The following PRDM16 variants were observed in gnomAD, a reference collection of about 807,000 sequenced individuals.
PRDM16 encodes the protein histone-lysine N-methyltransferase PRDM16.
A neutral mutation model predicts 110.6 loss-of-function variants in PRDM16; 23 were observed. The observed-to-expected ratio is 0.21, with a 90% confidence interval of 0.15 to 0.29. PRDM16 has a LOEUF of 0.29. PRDM16 is among the 10% of genes least tolerant of loss of function. PRDM16 has a pLI of 1.00. For synonymous variants in PRDM16, 799 were observed against 781.8 expected (o/e 1.02, Z -0.37); for missense variants, 1,615 against 1,794.3 (o/e 0.90, Z 1.81).
intron 2 of PRDM16, among the ~76,000 whole-genome samples, chr1:3,191,285 G>A (rs944620210): frequency 2.0e-5 from 3 of 152,190 alleles, no homozygotes; most frequent in African/African-American, 4.8e-5. Context: ...GTGTTCATTT[G>A]TTCAATCAAC....
chr1:3,186,745 C>T (rs920661860), intron 2 of PRDM16, among the ~76,000 whole-genome samples: 2 of 152,198 alleles, frequency 1.3e-5, no homozygotes, highest in Non-Finnish European at 2.9e-5. Context: ...CTTAAAACAT[C>T]CCGTGCTTCC....
intron 1 of PRDM16, among the ~76,000 whole-genome samples, chr1:3,183,753 G>A (rs1394569232): frequency 1.3e-5 from 2 of 152,226 alleles, no homozygotes; most frequent in African/African-American, 2.4e-5. Context: ...ACAGAAAAAA[G>A]CCATGTTTTA....
chr1:3,321,983 G>A (rs767135956), intron 3 of PRDM16, among the ~76,000 whole-genome samples: 8 of 151,110 alleles, frequency 5.3e-5, no homozygotes, highest in Non-Finnish European at 1.0e-4. Flanking sequence ...TTTGTGTGGG[G>A]GTGCATGTGT....
At chr1:3,269,453 GGGA>G (rs1490143734) in intron 3 of PRDM16, among the ~76,000 whole-genome samples, 1 of 149,238 alleles carries the variant, frequency 6.7e-6, no homozygotes. Flanking sequence ...GAGAATGACA[GGGA>G]GGAGGACAGT....
chr1:3,385,763 G>A (rs1415726282), intron 4 of PRDM16, among the ~76,000 whole-genome samples: 4 of 152,230 alleles, frequency 2.6e-5, no homozygotes, highest in Non-Finnish European at 5.9e-5. Context: ...GAGCCTCCGG[G>A]GCCTCTGACC....
At chr1:3,426,329 A>C in intron 14 of PRDM16, 104 bp downstream of exon 14, 14 of 893,720 alleles carry the variant, frequency 1.6e-5, no homozygotes, top group Non-Finnish European at 1.9e-5. Flanking sequence ...AGCCCCTAAC[A>C]CATCCAGATA....
chr1:3,253,207 A>T (rs1455002029), intron 3 of PRDM16, among the ~76,000 whole-genome samples: 4 of 151,588 alleles, frequency 2.6e-5, no homozygotes, highest in African/African-American at 4.8e-5. Context: ...AATTTAATTT[A>T]ATTATTATTA....
At chr1:3,316,432 T>C (rs187554407) in intron 3 of PRDM16, among the ~76,000 whole-genome samples, 4 of 152,292 alleles carry the variant, frequency 2.6e-5, no homozygotes, top group African/African-American at 9.6e-5. Flanking sequence ...TGGGCACTTA[T>C]GAAGTGCCAA....
At chr1:3,391,700 G>A (rs537049067) in intron 4 of PRDM16, among the ~76,000 whole-genome samples, 5 of 152,330 alleles carry the variant, frequency 3.3e-5, no homozygotes, top group Admixed American at 6.5e-5. Flanking sequence ...GGCGAAGCCC[G>A]GGACTCCAGC....
At chr1:3,082,251 G>A (rs1189564886) in intron 1 of PRDM16, among the ~76,000 whole-genome samples, 1 of 152,188 alleles carries the variant, frequency 6.6e-6, no homozygotes, top group Non-Finnish European at 1.5e-5. Context: ...GCCCTGTGTG[G>A]TCTTCCTTGA....
At position 3,201,569 on chromosome 1, in the gene PRDM16, C is replaced by A. The variant is rs1638628385; in HGVS notation, c.387+15095C>A. Among the ~76,000 whole-genome samples the A allele has an allele frequency of 6.6e-6, 1 of 152,236 alleles. No individual in the cohort carries two copies. The highest frequency in any genetic ancestry group is 2.4e-5 in the African/African-American group (1 of 41,464). On this transcript the variant is annotated intron_variant, in intron 2 of 16. Coordinates refer to ENST00000270722, the MANE Select transcript of PRDM16 (RefSeq NM_022114.4). The surrounding 1 kb of genome is among the most constrained non-coding windows in gnomAD (Gnocchi z 4.1). ...GGGAGGACAGGAGGGCCACCCGGGGCAGCTGCCCTCTGAGGGACTTTTTGC... is the reference window on the plus strand; with the variant it reads ...GGGAGGACAGGAGGGCCACCCGGGGAAGCTGCCCTCTGAGGGACTTTTTGC...
At chr1:3,304,527 C>A (rs960650669) in intron 3 of PRDM16, among the ~76,000 whole-genome samples, 2 of 152,194 alleles carry the variant, frequency 1.3e-5, no homozygotes, top group Non-Finnish European at 2.9e-5. Flanking sequence ...CCTGTCCACA[C>A]GAGGAGCACA....
At chr1:3,313,352 G>C (rs956060994) in intron 3 of PRDM16, among the ~76,000 whole-genome samples, 1 of 152,212 alleles carries the variant, frequency 6.6e-6, no homozygotes, top group African/African-American at 2.4e-5. Context: ...TCCCAGACCG[G>C]AGGGCGGCAC....
intron 3 of PRDM16, chr1:3,307,452 A>G (rs2100405582): frequency 6.6e-6 from 1 of 152,272 alleles, no homozygotes; most frequent in Middle Eastern, 3.4e-3. Context: ...GTCCTCTTAG[A>G]TGTTTCAGTT....
chr1:3,385,189 A>G lies in PRDM16; in HGVS notation c.476A>G (p.Asp159Gly), dbSNP rs1202036077. 6.2e-7 allele frequency: 1 copy of G among 1,613,610 alleles called. No individual in the cohort carries two copies. Among genetic ancestry groups the G allele is most frequent in the African/African-American group, 1.3e-5 (1 of 74,942 alleles). ...CTGGGCAGTGAGAAGTTCTGCGTGG[A>G]TGCAAATCAGGCGGGGGCTGGCAGC... ...EDLGSEKFCV[D>G]ANQAGAGSWL... The change falls in exon 4 of 17, where the codon GAT becomes GGT. Residue 159 changes from aspartate (D) to glycine (G), a missense_variant. Asp to Gly is a moderately conservative substitution (Grantham distance 94). This residue lies in a region of PRDM16 where 416 missense variants were observed against 467.1 expected (regional missense o/e 0.89). Coordinates refer to ENST00000270722, the MANE Select transcript of PRDM16 (RefSeq NM_022114.4).
In PRDM16 at chr1:3,201,317, T is replaced by C. The variant is rs1027250204; in HGVS notation, c.387+14843T>C. ...GGATTTAAAATTACTTCAATTGCAC[T>C]GACTTGAAGCTCGCACAGAGATGAA... On this transcript the variant is annotated intron_variant, in intron 2 of 16. Transcript: ENST00000270722. This position sits in a 1 kb window ranked among gnomAD's most constrained non-coding sequence, Gnocchi z 4.1. Among the ~76,000 whole-genome samples the C allele has an allele frequency of 1.3e-5, 2 of 152,154 alleles. No homozygotes were observed. The highest frequency in any genetic ancestry group is 4.8e-5 in the African/African-American group (2 of 41,412).
At chr1:3,181,854 A>ACACACGCAGTCTTACACACGGTCTTG (rs1255299388) in intron 1 of PRDM16, among the ~76,000 whole-genome samples, 1 of 96,530 alleles carries the variant, frequency 1.0e-5, no homozygotes, top group South Asian at 3.5e-4. Context: ...ACACGGTCTT[A>ACACACGCAGTCTTACACACGGTCTTG]CACACGCAGT....
In PRDM16 at chr1:3,431,970, G is replaced by A. The variant is rs1638780979; in HGVS notation, c.3526G>A (p.Ala1176Thr). ...AVGFDHTRRC[A>T]EDHEGGLLAL... ...TCTCCCCGGTCATTGGTGCAGGTGT[G>A]CTGAGGACCACGAAGGCGGTCTGTT... Residue 1176 changes from alanine to threonine, a missense_variant, in exon 16 of 17, where the codon GCT (alanine) becomes ACT (threonine). Ala to Thr is a moderately conservative substitution (Grantham distance 58). Coordinates refer to ENST00000270722, the MANE Select transcript of PRDM16 (RefSeq NM_022114.4). 1.2e-6 allele frequency: 2 copies of A among 1,612,902 alleles called. No homozygotes were observed. The highest frequency in any genetic ancestry group is 1.3e-5 in the African/African-American group (1 of 74,908).
intron 5 of PRDM16, among the ~76,000 whole-genome samples, chr1:3,397,975 A>C (rs1381196930): frequency 6.6e-6 from 1 of 152,194 alleles, no homozygotes; most frequent in Non-Finnish European, 1.5e-5. Context: ...ATAGTTTAAC[A>C]AGCTGGAGCC....
Sources: allele counts gnomAD v4.1 joint callset (sites outside exome capture counted in the v4.1 genomes callset), GRCh38; gene constraint gnomAD v4.1.1; regional missense constraint gnomAD v4.1.1; non-coding constraint Gnocchi (gnomAD v3.1); transcripts MANE v1.5; gene names NCBI Gene and HGNC (gene_info 2026-07-23, HGNC 2026-07-21).